CCSER1: variants seen among roughly 807,000 people sequenced by gnomAD.
The protein encoded by CCSER1 is coiled-coil serine rich protein 1, also known as serine-rich coiled-coil domain-containing protein 1.
Under a neutral mutation model 82.0 loss-of-function variants are expected in CCSER1, and 41 were observed. The observed-to-expected ratio is 0.50, with a 90% CI of 0.39 to 0.65. The LOEUF is 0.65. Among genes scored for constraint, CCSER1 ranks in the 30% least tolerant of loss-of-function variants. The probability of loss-of-function intolerance (pLI) is 0.00; values close to 1 mark genes in which losing one functional copy is unlikely to be tolerated. For synonymous variants in CCSER1, 414 were observed against 383.9 expected (o/e 1.08, Z -0.92); for missense variants, 1,119 against 1,064.2 (o/e 1.05, Z -0.72).
At chr4:90,914,492 G>C (rs1235856753) in intron 8 of CCSER1, among the ~76,000 whole-genome samples, 3 of 152,102 alleles carry the variant, frequency 2.0e-5, no homozygotes, top group Admixed American at 6.6e-5. Context: ...CACATTTAAA[G>C]CAGTGCGTTG....
intron 8 of CCSER1, among the ~76,000 whole-genome samples, chr4:90,821,326 G>C (rs1759693336): frequency 6.6e-6 from 1 of 152,156 alleles, no homozygotes. Flanking sequence ...GAGAACAAAA[G>C]CTATGACATA....
intron 10 of CCSER1, among the ~76,000 whole-genome samples, chr4:91,283,889 A>T (rs561616558): frequency 6.6e-6 from 1 of 152,122 alleles, no homozygotes; most frequent in African/African-American, 2.4e-5. Context: ...TGTTGTAAAC[A>T]TGACTGTGTT....
intron 6 of CCSER1, among the ~76,000 whole-genome samples, chr4:90,690,672 A>G (rs17017396): frequency 0.16 from 24,178 of 151,996 alleles, 2,128 homozygotes; most frequent in Middle Eastern, 0.27. Context: ...TTCCTCATGC[A>G]TAAGTGGTAC....
chr4:91,586,569 T>C (rs1764005014), intron 10 of CCSER1, among the ~76,000 whole-genome samples: 2 of 151,730 alleles, frequency 1.3e-5, no homozygotes, highest in South Asian at 4.1e-4. Flanking sequence ...TCTTAATGTG[T>C]AAAGAAAATG....
intron 3 of CCSER1, among the ~76,000 whole-genome samples, chr4:90,367,517 T>C (rs1746477884): frequency 6.6e-6 from 1 of 151,292 alleles, no homozygotes; most frequent in African/African-American, 2.4e-5. Context: ...TTAGACAAAC[T>C]TAAAAGAAAA....
At chr4:90,353,042 G>T (rs1280098051) in intron 3 of CCSER1, among the ~76,000 whole-genome samples, 1 of 152,110 alleles carries the variant, frequency 6.6e-6, no homozygotes, top group Non-Finnish European at 1.5e-5. Context: ...AGTGGAAGAT[G>T]TTATGAAAAA....
At chr4:91,466,492 A>G (rs996339451) in intron 10 of CCSER1, among the ~76,000 whole-genome samples, 1 of 152,182 alleles carries the variant, frequency 6.6e-6, no homozygotes, top group Non-Finnish European at 1.5e-5. Context: ...TAGGGTTGGA[A>G]GTTCTGGCCA....
At chr4:90,862,338 G>A (rs1216489747) in intron 8 of CCSER1, among the ~76,000 whole-genome samples, 1 of 147,604 alleles carries the variant, frequency 6.8e-6, no homozygotes, top group African/African-American at 2.4e-5. Flanking sequence ...CCTACCATAT[G>A]GTCCCTCTTC....
rs1764718556 is a variant in CCSER1, at chr4:91,599,133, G to A, written c.*76G>A. 2 of 1,391,900 alleles carry A rather than the reference G, an allele frequency of 1.4e-6. No individual in the cohort carries two copies. The highest frequency in any genetic ancestry group is 1.9e-6 in the Non-Finnish European group (2 of 1,056,658). 86.2% of individuals were successfully genotyped at this position (1,391,900 alleles called of 1,614,324 possible). On this transcript the variant is annotated 3_prime_UTR_variant, in exon 11 of 11. Coordinates refer to ENST00000509176, the MANE Select transcript of CCSER1 (RefSeq NM_001145065.2). ...CTCGTGCATAGTTCATATTAAAATT[G>A]TCATGTACTTTTTCTTACATTTTAG...
At chr4:91,433,109 A>G (rs1276229294) in intron 10 of CCSER1, among the ~76,000 whole-genome samples, 1 of 152,198 alleles carries the variant, frequency 6.6e-6, no homozygotes, top group Non-Finnish European at 1.5e-5. Context: ...ATTGATTACC[A>G]GTTATAATTT....
intron 4 of CCSER1, among the ~76,000 whole-genome samples, chr4:90,454,120 G>A (rs903759153): frequency 2.6e-5 from 4 of 152,092 alleles, no homozygotes; most frequent in Admixed American, 2.0e-4. Flanking sequence ...TTCCTGAAGT[G>A]CCTTGGCTTG....
At chr4:90,497,949 CTT>C (rs398063795) in intron 5 of CCSER1, among the ~76,000 whole-genome samples, 27 of 141,382 alleles carry the variant, frequency 1.9e-4, no homozygotes, top group Admixed American at 3.6e-4. Context: ...TGAACAGTCT[CTT>C]TTTTTTTTTT....
intron 10 of CCSER1, among the ~76,000 whole-genome samples, chr4:91,383,192 A>G (rs556034978): frequency 6.6e-6 from 1 of 152,304 alleles, no homozygotes; most frequent in South Asian, 2.1e-4. Flanking sequence ...AACCTGCAAT[A>G]TTGATGTATG....
Position 91,604,636 on chromosome 4 carries a change from T to C in CCSER1, c.*5579T>C, listed in dbSNP as rs183593764. On this transcript the variant is annotated 3_prime_UTR_variant, in exon 11 of 11. Coordinates refer to ENST00000509176, the MANE Select transcript of CCSER1 (RefSeq NM_001145065.2). ...TCTTATATCTTTCCTTCATAGGACA[T>C]TGATACAGACATCATCAAATTCCTG... The C allele has an allele frequency of 1.3e-5, 2 of 152,068 alleles. No homozygotes were observed. Among genetic ancestry groups the C allele is most frequent in the African/African-American group, 4.8e-5 (2 of 41,440 alleles). 9.4% of individuals were successfully genotyped at this position (152,068 alleles called of 1,614,324 possible).
At chr4:90,845,311 T>C (rs114592118) in intron 8 of CCSER1, among the ~76,000 whole-genome samples, 2,367 of 143,564 alleles carry the variant, frequency 0.016, 65 homozygotes, top group African/African-American at 0.058. Flanking sequence ...GCAGTGAACC[T>C]AGATGGTGCC....
chr4:90,484,542 G>A (rs546117946), intron 5 of CCSER1, among the ~76,000 whole-genome samples: 12 of 152,244 alleles, frequency 7.9e-5, no homozygotes, highest in South Asian at 4.1e-4. Context: ...ACATACAGAC[G>A]GGTTTTTGGT....
At chr4:91,196,246 T>G (rs1349731679) in intron 10 of CCSER1, among the ~76,000 whole-genome samples, 1 of 152,044 alleles carries the variant, frequency 6.6e-6, no homozygotes, top group South Asian at 2.1e-4. Context: ...GCATTTCTCT[T>G]CTAGCCCAAG....
chr4:90,699,257 A>G (rs1332046848), intron 6 of CCSER1, among the ~76,000 whole-genome samples: 2 of 152,278 alleles, frequency 1.3e-5, no homozygotes. Context: ...TGAGGCCAGG[A>G]GTTCAAGACC....
intron 6 of CCSER1, among the ~76,000 whole-genome samples, chr4:90,659,414 T>C (rs1730337558): frequency 1.3e-5 from 2 of 152,124 alleles, no homozygotes; most frequent in South Asian, 2.1e-4. Context: ...TTGTACTTCA[T>C]AAATTTAGAG....
Sources: gnomAD v4.1 joint callset for allele counts (sites outside exome capture counted in the v4.1 genomes callset) on GRCh38, gnomAD v4.1.1 for gene constraint, MANE v1.5 for transcripts, NCBI Gene and HGNC (gene_info 2026-07-23, HGNC 2026-07-21) for gene names.